DHRSX: variants seen among roughly 807,000 people sequenced by gnomAD.
The protein encoded by DHRSX is dehydrogenase/reductase X-linked, also known as polyprenol dehydrogenase.
In DHRSX, 31 loss-of-function variants were observed where a neutral mutation model predicts 34.0. The observed-to-expected ratio is 0.91, with a 90% confidence interval of 0.69 to 1.23. The LOEUF (loss-of-function observed/expected upper bound fraction) is 1.23, where lower values mean the gene tolerates loss of function less well. Ranked by LOEUF, DHRSX falls within the 50% of genes most tolerant of loss-of-function variation. The pLI, the probability that DHRSX is intolerant of heterozygous loss-of-function variation, is 0.00. For synonymous variants in DHRSX, 201 were observed against 183.8 expected (o/e 1.09, Z -0.76); for missense variants, 414 against 428.1 (o/e 0.97, Z 0.29).
At chrX:2,224,697 T>C (rs927088739) in intron 6 of DHRSX, among the ~76,000 whole-genome samples, 7 of 151,860 alleles carry the variant, frequency 4.6e-5, no homozygotes, top group African/African-American at 1.5e-4. Context: ...CACAAATATA[T>C]ATACACATAT....
intron 4 of DHRSX, among the ~76,000 whole-genome samples, chrX:2,271,402 C>T (rs1474709615): frequency 6.6e-6 from 1 of 152,204 alleles, no homozygotes; most frequent in Non-Finnish European, 1.5e-5. Flanking sequence ...CCATTCCAGG[C>T]CTGTGGCCTG....
intron 3 of DHRSX, among the ~76,000 whole-genome samples, chrX:2,331,195 T>G (rs1325069499): frequency 6.6e-6 from 1 of 152,092 alleles, no homozygotes; most frequent in Admixed American, 6.6e-5. Flanking sequence ...CCATTCCAGT[T>G]TTATCATGAG....
chrX:2,498,954 T>C (rs1336566710), intron 1 of DHRSX, among the ~76,000 whole-genome samples: 2 of 152,296 alleles, frequency 1.3e-5, no homozygotes, highest in South Asian at 2.1e-4. Context: ...TTTGTAATTA[T>C]GCTAAGTGGG....
At chrX:2,464,209 T>A (rs1281158534) in intron 1 of DHRSX, among the ~76,000 whole-genome samples, 1 of 121,942 alleles carries the variant, frequency 8.2e-6, no homozygotes, top group Non-Finnish European at 1.7e-5. Flanking sequence ...GGGACCGCCG[T>A]GTACACACTT....
chrX:2,407,736 C>A (rs2043574795), intron 3 of DHRSX, among the ~76,000 whole-genome samples: 1 of 152,058 alleles, frequency 6.6e-6, no homozygotes, highest in African/African-American at 2.4e-5. Context: ...ATAATGTGTC[C>A]ACATGGAAAG....
intron 3 of DHRSX, among the ~76,000 whole-genome samples, chrX:2,315,303 C>T (rs186674250): frequency 1.3e-5 from 2 of 152,188 alleles, no homozygotes; most frequent in East Asian, 3.9e-4. Flanking sequence ...AAGTGGACAC[C>T]AGTCCAGTTT....
At chrX:2,331,714 T>A (rs887767629) in intron 3 of DHRSX, among the ~76,000 whole-genome samples, 4 of 152,056 alleles carry the variant, frequency 2.6e-5, no homozygotes, top group African/African-American at 9.7e-5. Context: ...CCTCTCAAAG[T>A]GCTGGGATTA....
At chrX:2,337,927 C>T (rs1455998533) in intron 3 of DHRSX, 5 of 150,276 alleles carry the variant, frequency 3.3e-5, no homozygotes, top group African/African-American at 4.9e-5. Flanking sequence ...TGAGGATCAG[C>T]GTTGGTTTTC....
chrX:2,430,258 C>CAAA (rs5901189), intron 1 of DHRSX, among the ~76,000 whole-genome samples: 5 of 123,322 alleles, frequency 4.1e-5, no homozygotes, highest in South Asian at 2.7e-4. Flanking sequence ...GACCCCAGCT[C>CAAA]AAAAAAAAAA....
chrX:2,249,028 G>A (rs1279354060), intron 5 of DHRSX, among the ~76,000 whole-genome samples: 1 of 151,960 alleles, frequency 6.6e-6, no homozygotes, highest in Non-Finnish European at 1.5e-5. Flanking sequence ...AAATCAGAGG[G>A]AATGACCCTC....
At chrX:2,490,483 G>A in intron 1 of DHRSX, 2 of 1,614,012 alleles carry the variant, frequency 1.2e-6, no homozygotes, top group South Asian at 2.2e-5. Context: ...TGTTGCTCTT[G>A]ACGAACTCGC....
chrX:2,314,479 A>AAGGAAGGG (rs1382827119), intron 3 of DHRSX, among the ~76,000 whole-genome samples: 1 of 52,996 alleles, frequency 1.9e-5, no homozygotes, highest in East Asian at 3.6e-4. Context: ...AGAAGGAAGG[A>AAGGAAGGG]AGGAAGGAAG....
Position 2,385,110 on chromosome X carries a change from A to ATGTGTGTGTGTGTGTGTG in DHRSX, c.286+23617_286+23634dup, listed in dbSNP as rs934167358. ...GAGTGAGACTCCATCTCAAATATATATGTGTGTGTGTGTGTGTGTGTGTGT... is the reference window on the plus strand; with the variant it reads ...GAGTGAGACTCCATCTCAAATATATATGTGTGTGTGTGTGTGTGTGTGTGTGTGTGTGTGTGTGTGTGT... On this transcript the variant is annotated intron_variant, in intron 3 of 6. Coordinates refer to ENST00000334651, the MANE Select transcript of DHRSX (RefSeq NM_145177.3). Among the ~76,000 whole-genome samples, 880 of 146,578 alleles carry ATGTGTGTGTGTGTGTGTG rather than the reference A, an allele frequency of 6.0e-3. 5 individuals are homozygous for ATGTGTGTGTGTGTGTGTG. Among genetic ancestry groups the ATGTGTGTGTGTGTGTGTG allele is most frequent in the Middle Eastern group, 0.018 (5 of 282 alleles).
chrX:2,464,354 G>T (rs781564716), intron 1 of DHRSX, among the ~76,000 whole-genome samples: 1 of 67,240 alleles, frequency 1.5e-5, no homozygotes, highest in South Asian at 5.1e-4. Context: ...AAGGGCCGCT[G>T]ATGTGCACAC....
At chrX:2,367,872 AT>A (rs1277189997) in intron 3 of DHRSX, among the ~76,000 whole-genome samples, 1 of 152,194 alleles carries the variant, frequency 6.6e-6, no homozygotes, top group African/African-American at 2.4e-5. Flanking sequence ...TAGAAGGCAC[AT>A]TGAAGTTCAA....
intron 3 of DHRSX, among the ~76,000 whole-genome samples, chrX:2,368,007 C>G (rs919355219): frequency 3.3e-5 from 5 of 151,952 alleles, no homozygotes; most frequent in Non-Finnish European, 7.4e-5. Flanking sequence ...CTTTGGGAGG[C>G]CGAGGAGGGT....
intron 1 of DHRSX, among the ~76,000 whole-genome samples, chrX:2,441,989 G>T (rs755156082): frequency 6.6e-6 from 1 of 152,248 alleles, no homozygotes; most frequent in South Asian, 2.1e-4. Flanking sequence ...CAGAAGAATT[G>T]CTTGAACCCA....
At chrX:2,388,724 G>A (rs2043300489) in intron 3 of DHRSX, among the ~76,000 whole-genome samples, 1 of 151,664 alleles carries the variant, frequency 6.6e-6, no homozygotes, top group Non-Finnish European at 1.5e-5. Context: ...GGAGAAGACA[G>A]CATCTCCAAG....
chrX:2,363,853 G>A (rs1355860940), intron 3 of DHRSX, among the ~76,000 whole-genome samples: 2 of 152,074 alleles, frequency 1.3e-5, no homozygotes, highest in Non-Finnish European at 2.9e-5. Flanking sequence ...CGAAGGAGAT[G>A]AGGGAACATG....
Sources: allele counts gnomAD v4.1 joint callset (sites outside exome capture counted in the v4.1 genomes callset), GRCh38; gene constraint gnomAD v4.1.1; transcripts MANE v1.5; gene names NCBI Gene and HGNC (gene_info 2026-07-23, HGNC 2026-07-21).